Variants in ZBTB34 observed in about 807,000 individuals in gnomAD.
The protein encoded by ZBTB34 is zinc finger and BTB domain containing 34.
A neutral mutation model predicts 33.4 loss-of-function variants in ZBTB34; 1 was observed. The ratio of observed to expected loss-of-function variants is 0.03; its 90% CI spans 0.01 to 0.14. The LOEUF (loss-of-function observed/expected upper bound fraction) is 0.14. Ranked by LOEUF, ZBTB34 falls within the 10% of genes least tolerant of loss-of-function variation. The pLI, the probability that ZBTB34 is intolerant of heterozygous loss-of-function variation, is 1.00. For synonymous variants in ZBTB34, 283 were observed against 253.5 expected (o/e 1.12, Z -1.11); for missense variants, 406 against 657.2 (o/e 0.62, Z 4.18).
At chr9:126,864,134 G>A (rs982643488) in intron 1 of ZBTB34, among the ~76,000 whole-genome samples, 38 of 152,240 alleles carry the variant, frequency 2.5e-4, no homozygotes, top group African/African-American at 9.1e-4. Flanking sequence ...AGTATGCCTG[G>A]ATTAAAATCT....
chr9:126,869,562 C>T (rs914562430), intron 1 of ZBTB34, among the ~76,000 whole-genome samples: 6 of 152,114 alleles, frequency 3.9e-5, no homozygotes, highest in East Asian at 1.9e-4. Flanking sequence ...CAGTCATCCC[C>T]TTTCACAGCA....
chr9:126,882,133 A>C (rs1356833803), exon 2 of ZBTB34: 2 of 165,762 alleles, frequency 1.2e-5, no homozygotes, highest in African/African-American at 5.0e-5. Flanking sequence ...TGCTAATGAG[A>C]GCCTCAGTGG....
chr9:126,862,336 A>G (rs1226113769), intron 1 of ZBTB34, among the ~76,000 whole-genome samples: 2 of 152,172 alleles, frequency 1.3e-5, no homozygotes, highest in African/African-American at 4.8e-5. Flanking sequence ...TACTGAAGGC[A>G]TTGGTGAAGA....
chr9:126,873,967 A>C (rs984602593), intron 1 of ZBTB34, among the ~76,000 whole-genome samples: 4 of 151,284 alleles, frequency 2.6e-5, no homozygotes, highest in African/African-American at 9.7e-5. Flanking sequence ...CTCTGTTCAT[A>C]CATAGTCGCG....
chr9:126,872,240 C>T (rs1035512885), intron 1 of ZBTB34, among the ~76,000 whole-genome samples: 5 of 152,272 alleles, frequency 3.3e-5, no homozygotes, highest in South Asian at 2.1e-4. Flanking sequence ...CGTGAGCCAC[C>T]GCGCCCGGCC....
intron 1 of ZBTB34, among the ~76,000 whole-genome samples, chr9:126,878,795 C>T (rs569343027): frequency 1.3e-5 from 2 of 150,970 alleles, no homozygotes; most frequent in South Asian, 4.2e-4. Context: ...GTGCTCTCGG[C>T]TCACTGCAAC....
At chr9:126,884,928 T>C (rs767376440) in exon 2 of ZBTB34, 1 of 167,124 alleles carries the variant, frequency 6.0e-6, no homozygotes, top group African/African-American at 2.4e-5. Context: ...TAAACTATTT[T>C]CCAAGGGCAC....
intron 1 of ZBTB34, among the ~76,000 whole-genome samples, chr9:126,876,262 A>T (rs1208403299): frequency 1.7e-5 from 1 of 58,814 alleles, no homozygotes; most frequent in Non-Finnish European, 3.4e-5. Context: ...GTATACCAAC[A>T]TATGCAGTGT....
At chr9:126,875,863 G>A (rs4291364) in intron 1 of ZBTB34, among the ~76,000 whole-genome samples, 15,803 of 151,958 alleles carry the variant, frequency 0.1, 1,188 homozygotes, top group East Asian at 0.4. Flanking sequence ...TATCTTCCCA[G>A]GCACTGATGG....
rs756602479 is a variant in ZBTB34, at chr9:126,880,291, A to G, written c.892A>G (p.Asn298Asp). 10 of 1,613,970 alleles carry G rather than the reference A, an allele frequency of 6.2e-6. No homozygotes were observed. Among genetic ancestry groups the G allele is most frequent in the East Asian group, 2.2e-5 (1 of 44,884 alleles). Residue 298 changes from asparagine (N) to aspartate (D), a missense_variant, in exon 2 of 2, where the codon AAT (asparagine) becomes GAT (aspartate). Asn to Asp is a conservative substitution (Grantham distance 23, BLOSUM62 1). Coordinates refer to ENST00000319119, the Ensembl canonical transcript of ZBTB34. This position sits in a 1 kb window ranked among gnomAD's most constrained non-coding sequence, Gnocchi z 6.7. The stretch of plus-strand genomic sequence containing the variant: ...TTCCCAAGCAGCCTCACAGCCAACC[A>G]ATGTATCAGAAGCTTTTGGAAGTTT...
intron 1 of ZBTB34, among the ~76,000 whole-genome samples, chr9:126,872,626 C>G (rs753487786): frequency 2.0e-5 from 3 of 152,336 alleles, no homozygotes; most frequent in Middle Eastern, 3.4e-3. Context: ...CCTGATAAAT[C>G]TACACATGGA....
intron 1 of ZBTB34, among the ~76,000 whole-genome samples, chr9:126,873,103 C>T (rs568305234): frequency 6.6e-6 from 1 of 152,274 alleles, no homozygotes; most frequent in Admixed American, 6.5e-5. Context: ...CCTGAACCCA[C>T]CTTCCTTTTG....
In ZBTB34 at chr9:126,880,867, C is replaced by G; in HGVS notation, c.1468C>G (p.Leu490Val). ...TGACGCATCGGCCTCAGAGATGGGC[C>G]TAGATTCCCGGATGGAAATTCACAC... The change falls in exon 2 of 2, where the codon CTA (leucine) becomes GTA (valine). Residue 490 changes from leucine to valine, a missense_variant. This residue lies in a region of ZBTB34 where 58 missense variants were observed against 58.7 expected (regional missense o/e 0.99). Coordinates refer to ENST00000319119, the Ensembl canonical transcript of ZBTB34. The surrounding 1 kb of genome is among the most constrained non-coding windows in gnomAD (Gnocchi z 6.7). The G allele has an allele frequency of 6.2e-7, 1 of 1,613,094 alleles. No individual in the cohort carries two copies. The highest frequency in any genetic ancestry group is 8.5e-7 in the Non-Finnish European group (1 of 1,179,758).
chr9:126,882,515 C>G (rs1266616181), exon 2 of ZBTB34: 1 of 167,062 alleles, frequency 6.0e-6, no homozygotes, highest in African/African-American at 2.4e-5. Flanking sequence ...TGCTTCGGTA[C>G]TGTAAACTCT....
chr9:126,882,916 C>T (rs575403683), exon 2 of ZBTB34: 1 of 167,158 alleles, frequency 6.0e-6, no homozygotes, highest in South Asian at 2.1e-4. Context: ...GTGTGAACTG[C>T]TGCGCTACAC....
Position 126,864,870 on chromosome 9 carries a change from T to C in ZBTB34, c.-11+4131T>C, listed in dbSNP as rs189346818. On this transcript the variant is annotated intron_variant, in intron 1 of 1. Coordinates refer to ENST00000319119, the Ensembl canonical transcript of ZBTB34. Reference sequence around the variant, plus strand: ...TCTGCGGTGCTTCAGTCTGTGGTCTTTTTAATGACTTTGTATGAAAATGAA... The same window carrying C: ...TCTGCGGTGCTTCAGTCTGTGGTCTCTTTAATGACTTTGTATGAAAATGAA... Among the ~76,000 whole-genome samples the C allele has an allele frequency of 3.1e-3, 472 of 152,356 alleles. 1 individual carries two copies. Among genetic ancestry groups the C allele is most frequent in the Non-Finnish European group, 4.9e-3 (333 of 68,042 alleles).
chr9:126,868,661 C>T (rs1231712509), intron 1 of ZBTB34, among the ~76,000 whole-genome samples: 1 of 152,214 alleles, frequency 6.6e-6, no homozygotes, highest in Non-Finnish European at 1.5e-5. Flanking sequence ...TTGGTCAGTC[C>T]TGGAGGGCCC....
intron 1 of ZBTB34, among the ~76,000 whole-genome samples, chr9:126,864,703 C>T (rs1203720441): frequency 6.6e-6 from 1 of 151,872 alleles, no homozygotes; most frequent in Non-Finnish European, 1.5e-5. Flanking sequence ...TTCACACAGC[C>T]CTGGTGTTAT....
chr9:126,884,924 A>C (rs541678349), exon 2 of ZBTB34: 1 of 167,168 alleles, frequency 6.0e-6, no homozygotes, highest in African/African-American at 2.4e-5. Context: ...CACCTAAACT[A>C]TTTTCCAAGG....
Sources: allele counts gnomAD v4.1 joint callset (sites outside exome capture counted in the v4.1 genomes callset), GRCh38; gene constraint gnomAD v4.1.1; regional missense constraint gnomAD v4.1.1; non-coding constraint Gnocchi (gnomAD v3.1); transcripts MANE v1.5; gene names NCBI Gene and HGNC (gene_info 2026-07-23, HGNC 2026-07-21).